TANGO6: variants seen among roughly 807,000 people sequenced by gnomAD.
TANGO6 encodes transport and Golgi organization protein 6 homolog.
A neutral mutation model predicts 114.2 loss-of-function variants in TANGO6; 90 were observed. The observed-to-expected ratio is 0.79, with a 90% CI of 0.66 to 0.94. The LOEUF (loss-of-function observed/expected upper bound fraction) is 0.94. TANGO6 is among the 40% of genes least tolerant of loss of function. The pLI, the probability that TANGO6 is intolerant of heterozygous loss-of-function variation, is 0.00. For synonymous variants in TANGO6, 477 were observed against 509.8 expected (o/e 0.94, Z 0.87); for missense variants, 1,274 against 1,315.3 (o/e 0.97, Z 0.49).
intron 6 of TANGO6, among the ~76,000 whole-genome samples, chr16:68,879,720 C>T (rs1962426904): frequency 6.7e-6 from 1 of 149,356 alleles, no homozygotes; most frequent in South Asian, 2.1e-4. Context: ...AGGTTCATGC[C>T]ATTCTCCTGC....
At position 68,953,050 on chromosome 16, in the gene TANGO6, T is replaced by TTTTTTATTATTATTA. The variant is rs1555525236; in HGVS notation, c.2702-20976_2702-20975insTTTATTATTATTATT. Among the ~76,000 whole-genome samples, 642 of 139,186 alleles carry TTTTTTATTATTATTA rather than the reference T, an allele frequency of 4.6e-3. 2 individuals are homozygous for TTTTTTATTATTATTA. The highest frequency in any genetic ancestry group is 5.4e-3 in the Non-Finnish European group (352 of 64,976). 91.3% of individuals were successfully genotyped at this position (139,186 alleles called of 152,430 possible). On this transcript the variant is annotated intron_variant, in intron 14 of 17. Coordinates refer to ENST00000261778, the MANE Select transcript of TANGO6 (RefSeq NM_024562.2). ...ATGTTCATTCACTCAACAGGTATTTTTTATTATTATTATTATTATTATTAT... is the reference window on the plus strand; with the variant it reads ...ATGTTCATTCACTCAACAGGTATTTTTTTTTATTATTATTATTATTATTATTATTATTATTATTAT...
At chr16:68,981,511 A>T (rs1451317615) in intron 15 of TANGO6, among the ~76,000 whole-genome samples, 1 of 152,118 alleles carries the variant, frequency 6.6e-6, no homozygotes, top group Admixed American at 6.6e-5. Flanking sequence ...GCACCCAGCC[A>T]TTGCATTTCT....
intron 17 of TANGO6, among the ~76,000 whole-genome samples, chr16:69,049,169 A>G (rs1191476909): frequency 1.3e-5 from 2 of 152,212 alleles, no homozygotes; most frequent in Non-Finnish European, 2.9e-5. Flanking sequence ...TGCAATGCTC[A>G]TCAATATCTA....
chr16:68,867,419 TA>T (rs1271845010), intron 4 of TANGO6, 199 bp downstream of exon 4: 2 of 588,266 alleles, frequency 3.4e-6, no homozygotes, highest in Non-Finnish European at 5.8e-6. Flanking sequence ...GCTCTTTTCC[TA>T]AAACACTTGT....
chr16:68,917,956 G>T (rs997094658), intron 11 of TANGO6, among the ~76,000 whole-genome samples: 1 of 145,716 alleles, frequency 6.9e-6, no homozygotes, highest in Non-Finnish European at 1.5e-5. Context: ...ATCTCACTCC[G>T]TTGCCCAGGC....
intron 3 of TANGO6, among the ~76,000 whole-genome samples, chr16:68,865,233 G>A (rs1382926407): frequency 2.0e-5 from 3 of 147,562 alleles, no homozygotes; most frequent in East Asian, 2.0e-4. Flanking sequence ...CCCAGATCGC[G>A]CCACTGCACT....
chr16:68,974,666 T>C (rs999197755), intron 15 of TANGO6, among the ~76,000 whole-genome samples: 1 of 150,478 alleles, frequency 6.6e-6, no homozygotes, highest in African/African-American at 2.4e-5. Flanking sequence ...ATCTCAAAAA[T>C]AACAACAACA....
intron 3 of TANGO6, among the ~76,000 whole-genome samples, chr16:68,866,807 C>T (rs941643197): frequency 8.6e-5 from 13 of 151,750 alleles, no homozygotes; most frequent in Admixed American, 3.9e-4. Context: ...CATAGTGGCA[C>T]GTGCCTGTAA....
At chr16:69,027,042 T>C (rs2075454987) in intron 16 of TANGO6, among the ~76,000 whole-genome samples, 1 of 152,174 alleles carries the variant, frequency 6.6e-6, no homozygotes, top group South Asian at 2.1e-4. Context: ...TTTGTATTTT[T>C]AGTAGAGATG....
chr16:68,972,759 A>C (rs1963719763), intron 14 of TANGO6, among the ~76,000 whole-genome samples: 1 of 152,174 alleles, frequency 6.6e-6, no homozygotes, highest in Non-Finnish European at 1.5e-5. Flanking sequence ...TGCTAAGACA[A>C]ATGAAGCAGG....
At chr16:69,058,223 G>T (rs760652057) in intron 17 of TANGO6, among the ~76,000 whole-genome samples, 2 of 152,160 alleles carry the variant, frequency 1.3e-5, no homozygotes, top group African/African-American at 4.8e-5. Flanking sequence ...ATGCTCTGGG[G>T]TTTGTTCCAG....
chr16:69,029,962 G>A (rs1959567989), intron 16 of TANGO6, among the ~76,000 whole-genome samples: 1 of 151,862 alleles, frequency 6.6e-6, no homozygotes, highest in Admixed American at 6.6e-5. Context: ...ATAAAAATTA[G>A]CTGAGAGTAG....
intron 14 of TANGO6, 155 bp from the exon 15 acceptor site, chr16:68,973,873 C>T (rs914881137): frequency 1.2e-6 from 1 of 809,478 alleles, no homozygotes; most frequent in Non-Finnish European, 2.0e-6. Context: ...GTTCCACTCA[C>T]TATGCTGACT....
intron 4 of TANGO6, among the ~76,000 whole-genome samples, chr16:68,872,297 T>C (rs534303805): frequency 4.7e-4 from 72 of 151,746 alleles, no homozygotes; most frequent in African/African-American, 1.7e-3. Flanking sequence ...TCTGTTCTAC[T>C]GATTTTTTTT....
At chr16:69,052,496 G>T (rs962747607) in intron 17 of TANGO6, among the ~76,000 whole-genome samples, 39 of 152,032 alleles carry the variant, frequency 2.6e-4, no homozygotes, top group African/African-American at 9.4e-4. Flanking sequence ...CAAGACCTGA[G>T]CTTGAGCCAT....
chr16:68,950,868 G>A (rs1597033753), intron 14 of TANGO6, among the ~76,000 whole-genome samples: 1 of 151,926 alleles, frequency 6.6e-6, no homozygotes, highest in African/African-American at 2.4e-5. Flanking sequence ...CAAAAAAAAA[G>A]TAAATTTAAA....
intron 15 of TANGO6, among the ~76,000 whole-genome samples, chr16:69,008,932 G>A (rs979562180): frequency 3.3e-5 from 5 of 151,878 alleles, no homozygotes; most frequent in Admixed American, 6.6e-5. Context: ...GTGAGCCACC[G>A]AGCCCGGCTG....
intron 4 of TANGO6, among the ~76,000 whole-genome samples, chr16:68,873,201 C>T (rs570869723): frequency 6.6e-6 from 1 of 152,176 alleles, no homozygotes; most frequent in African/African-American, 2.4e-5. Context: ...AGTACTACTT[C>T]ACCTCCTGGT....
At chr16:68,962,335 A>G (rs529592962) in intron 14 of TANGO6, among the ~76,000 whole-genome samples, 1 of 152,198 alleles carries the variant, frequency 6.6e-6, no homozygotes. Flanking sequence ...AGAGAGGCCA[A>G]TCAGACTGGT....
Sources: gnomAD v4.1 joint callset for allele counts (sites outside exome capture counted in the v4.1 genomes callset) on GRCh38, gnomAD v4.1.1 for gene constraint, MANE v1.5 for transcripts, NCBI Gene and HGNC (gene_info 2026-07-23, HGNC 2026-07-21) for gene names.